OR8B2: variants seen among roughly 807,000 people sequenced by gnomAD.
The protein encoded by OR8B2 is olfactory receptor 8B2.
For synonymous variants in OR8B2, 98 were observed against 138.2 expected (o/e 0.71, Z 2.04); for missense variants, 304 against 379.6 (o/e 0.80, Z 1.65).
Position 124,382,843 on chromosome 11 carries a change from G to T in OR8B2, c.501C>A (p.Thr167=). 6.2e-7 allele frequency: 1 copy of T among 1,604,586 alleles called. No homozygotes were observed. The highest frequency in any genetic ancestry group is 8.5e-7 in the Non-Finnish European group (1 of 1,172,694). Residue 167 remains threonine, a synonymous_variant, in exon 2 of 2, where the codon ACC becomes ACA. Transcript: ENST00000641451. The part of the protein sequence containing the change: ...TAHTGCMLRL[T]FCSANIINHY... The stretch of plus-strand genomic sequence containing the variant: ...GGTTGATGATATTAGCACTGCAGAA[G>T]GTGAGTCTAAGCATGCACCCGGTGT...
the OR8B2 span, among the ~76,000 whole-genome samples, chr11:124,395,295 CA>C: frequency 6.6e-6 from 1 of 151,670 alleles, no homozygotes; most frequent in Admixed American, 6.6e-5. Flanking sequence ...CAAAACAAAA[CA>C]AAAAAACTTC....
chr11:124,387,242 T>C (rs1263595132), upstream of OR8B2, among the ~76,000 whole-genome samples: 2 of 152,276 alleles, frequency 1.3e-5, no homozygotes, highest in Non-Finnish European at 2.9e-5. Context: ...TCTTTTCTTG[T>C]GCAGAAGCTC....
At chr11:124,388,917 C>G (rs946351444), upstream of OR8B2, among the ~76,000 whole-genome samples, 2 of 151,532 alleles carry the variant, frequency 1.3e-5, no homozygotes, top group African/African-American at 4.9e-5. Flanking sequence ...ACTCCACCTC[C>G]TGGGTTCAAG....
chr11:124,394,234 C>G, the OR8B2 span, among the ~76,000 whole-genome samples: 3 of 150,260 alleles, frequency 2.0e-5, no homozygotes, highest in Non-Finnish European at 4.4e-5. Context: ...CACATGTACC[C>G]TGAAACTTAA....
chr11:124,394,738 C>T, the OR8B2 span, among the ~76,000 whole-genome samples: 1 of 152,194 alleles, frequency 6.6e-6, no homozygotes, highest in Admixed American at 6.5e-5. Context: ...ATGCACCCCA[C>T]CGATGGGTCT....
chr11:124,397,191 T>C, the OR8B2 span: 1 of 1,611,010 alleles, frequency 6.2e-7, no homozygotes, highest in African/African-American at 1.4e-5. Context: ...TGTGTGGAGG[T>C]GAGAATTTAG....
In OR8B2 at chr11:124,382,734, C is replaced by T; in HGVS notation, c.610G>A (p.Gly204Ser). Residue 204 changes from glycine to serine, a missense_variant, in exon 2 of 2, where the codon GGT becomes AGT. By Grantham distance (56) the Gly-to-Ser change is moderately conservative (BLOSUM62 0). Transcript: ENST00000641451. ...CAACTGGGTACCGTGATATTAGTAC[C>T]CACAACAATGAGAACAACCACCTCG... ...VNEVVVLIVV[G>S]TNITVPSCTI... is the part of the protein sequence containing the mutation. 1 of 1,613,708 alleles carries T rather than the reference C, an allele frequency of 6.2e-7. No homozygotes were observed. Among genetic ancestry groups the T allele is most frequent in the Non-Finnish European group, 8.5e-7 (1 of 1,179,808 alleles).
At chr11:124,393,909 G>A in the OR8B2 span, among the ~76,000 whole-genome samples, 24 of 151,044 alleles carry the variant, frequency 1.6e-4, 1 homozygote, top group Admixed American at 6.6e-4. Context: ...TGTACACCAT[G>A]GAATACTATG....
At chr11:124,385,103 A>G (rs1476270832), upstream of OR8B2, among the ~76,000 whole-genome samples, 13 of 152,146 alleles carry the variant, frequency 8.5e-5, no homozygotes, top group Admixed American at 8.5e-4. Flanking sequence ...AATTTTGTGT[A>G]ACATAGAATG....
upstream of OR8B2, among the ~76,000 whole-genome samples, chr11:124,384,783 G>C (rs571676617): frequency 6.6e-6 from 1 of 152,142 alleles, no homozygotes; most frequent in Non-Finnish European, 1.5e-5. Flanking sequence ...AGCCTAACTT[G>C]TTGTTGTAGA....
At chr11:124,386,335 C>A (rs952972844), upstream of OR8B2, among the ~76,000 whole-genome samples, 2 of 147,818 alleles carry the variant, frequency 1.4e-5, no homozygotes, top group African/African-American at 5.0e-5. Flanking sequence ...TATACATGTG[C>A]CATGTTGGTG....
At chr11:124,384,050 AGTT>A (rs34861770) in intron 1 of OR8B2, among the ~76,000 whole-genome samples, 48,804 of 151,074 alleles carry the variant, frequency 0.32, 7,631 homozygotes, top group African/African-American at 0.39. Context: ...CAGTTATATT[AGTT>A]GTTAAGTTTG....
the OR8B2 span, among the ~76,000 whole-genome samples, chr11:124,393,808 A>T: frequency 6.6e-6 from 1 of 151,426 alleles, no homozygotes; most frequent in Non-Finnish European, 1.5e-5. Flanking sequence ...ATGCACACGT[A>T]TGTTTATTGT....
rs142893914 is a variant in OR8B2, at chr11:124,383,146, G to A, written c.198C>T (p.Leu66=). 6,473 of 1,613,878 alleles carry A rather than the reference G, an allele frequency of 4.0e-3. 173 individuals carry two copies. The African/African-American group carries it at 0.066, about 17-fold the overall frequency. ...AGGAGTAACAGAGATCAATGAAGGA[G>A]AGATTGAAGAGGAAATAGTACATTG... ...HTPMYYFLFN[L]SFIDLCYSSV... The change falls in exon 2 of 2, where the codon CTC becomes CTT. Residue 66 remains leucine (L), a synonymous_variant. Coordinates refer to ENST00000641451, the MANE Select transcript of OR8B2 (RefSeq NM_001005468.2).
At chr11:124,393,283 G>A in the OR8B2 span, among the ~76,000 whole-genome samples, 157 of 143,080 alleles carry the variant, frequency 1.1e-3, 4 homozygotes, top group Middle Eastern at 3.5e-3. Context: ...TTAAATGAAA[G>A]AGCTTCTGCA....
the OR8B2 span, among the ~76,000 whole-genome samples, chr11:124,394,533 G>A: frequency 6.6e-6 from 1 of 152,144 alleles, no homozygotes; most frequent in Non-Finnish European, 1.5e-5. Flanking sequence ...AAAAGTCTTG[G>A]TCAGGAGGAT....
At chr11:124,385,272 G>T (rs1207274021), upstream of OR8B2, among the ~76,000 whole-genome samples, 1 of 152,080 alleles carries the variant, frequency 6.6e-6, no homozygotes, top group Admixed American at 6.6e-5. Flanking sequence ...GTAGGAATTT[G>T]TGCTTGTGAG....
chr11:124,389,660 A>G, the OR8B2 span, among the ~76,000 whole-genome samples: 4 of 152,194 alleles, frequency 2.6e-5, no homozygotes, highest in African/African-American at 9.6e-5. Context: ...TCATTTTGGC[A>G]GAGAAAAACT....
the OR8B2 span, among the ~76,000 whole-genome samples, chr11:124,391,914 A>G: frequency 6.9e-6 from 1 of 144,652 alleles, no homozygotes; most frequent in African/African-American, 2.7e-5. Context: ...CTTATCCACC[A>G]TGATCAAGTG....
Sources: gnomAD v4.1 joint callset for allele counts (sites outside exome capture counted in the v4.1 genomes callset) on GRCh38, gnomAD v4.1.1 for gene constraint, MANE v1.5 for transcripts, NCBI Gene and HGNC (gene_info 2026-07-23, HGNC 2026-07-21) for gene names.